PHACTR1: variants seen among roughly 807,000 people sequenced by gnomAD.
PHACTR1 encodes the protein RPEL repeat containing 1.
A neutral mutation model predicts 69.2 loss-of-function variants in PHACTR1; 16 were observed. The observed-to-expected ratio is 0.23, with a 90% CI of 0.16 to 0.35. The LOEUF (loss-of-function observed/expected upper bound fraction) is 0.35. PHACTR1 is among the 10% of genes least tolerant of loss of function. PHACTR1 has a pLI of 1.00. For synonymous variants in PHACTR1, 312 were observed against 284.5 expected (o/e 1.10, Z -0.97); for missense variants, 510 against 734.7 (o/e 0.69, Z 3.54).
rs375057981 is a variant in PHACTR1, at chr6:13,239,822, T to C, written c.1391+9629T>C. Reference sequence around the variant, plus strand: ...AGCCTCGACTCTGTGTGTATGTCCATGCCTGTGTGTCAGGAGGAGAGGAGG... The same window carrying C: ...AGCCTCGACTCTGTGTGTATGTCCACGCCTGTGTGTCAGGAGGAGAGGAGG... On this transcript the variant is annotated intron_variant, in intron 10 of 14. Transcript: ENST00000332995. Among the ~76,000 whole-genome samples, 43 of 152,324 alleles carry C rather than the reference T, an allele frequency of 2.8e-4. No homozygotes were observed. The East Asian group carries it at 5.0e-3, about 18-fold the overall frequency.
intron 12 of PHACTR1, 125 bp downstream of exon 12, chr6:13,278,454 C>G: frequency 1.3e-5 from 10 of 781,140 alleles, no homozygotes; most frequent in Non-Finnish European, 1.9e-5. Flanking sequence ...TCAGAGAGTG[C>G]CACTCTCTTA....
At chr6:13,052,248 A>G (rs368414940) in intron 4 of PHACTR1, among the ~76,000 whole-genome samples, 9 of 152,222 alleles carry the variant, frequency 5.9e-5, no homozygotes, top group Non-Finnish European at 8.8e-5. Flanking sequence ...AGAATTCCAT[A>G]TGTATTTAAT....
chr6:13,159,864 T>C (rs996787002), intron 5 of PHACTR1, among the ~76,000 whole-genome samples: 2 of 151,966 alleles, frequency 1.3e-5, no homozygotes, highest in African/African-American at 4.8e-5. Flanking sequence ...CGCTTGAACC[T>C]GGGAGGCAGG....
intron 4 of PHACTR1, among the ~76,000 whole-genome samples, chr6:12,780,080 G>A (rs1288535062): frequency 6.6e-6 from 1 of 152,198 alleles, no homozygotes; most frequent in Non-Finnish European, 1.5e-5. Context: ...GGATGATGCT[G>A]GAGGTGGAAG....
chr6:13,011,126 C>T (rs946884729), intron 4 of PHACTR1, among the ~76,000 whole-genome samples: 6 of 152,178 alleles, frequency 3.9e-5, no homozygotes, highest in Non-Finnish European at 7.4e-5. Flanking sequence ...TAGTCTGAGA[C>T]ACTAAAATGC....
chr6:12,804,774 G>A (rs1175361265), intron 4 of PHACTR1, among the ~76,000 whole-genome samples: 2 of 152,248 alleles, frequency 1.3e-5, no homozygotes, highest in African/African-American at 2.4e-5. Flanking sequence ...AATCCAGCCT[G>A]GGTGACAGAG....
intron 10 of PHACTR1, among the ~76,000 whole-genome samples, chr6:13,249,470 AT>A (rs940026616): frequency 2.0e-5 from 3 of 152,012 alleles, no homozygotes; most frequent in African/African-American, 7.3e-5. Context: ...AGAAGATTAC[AT>A]TTTTCTGGTC....
intron 4 of PHACTR1, among the ~76,000 whole-genome samples, chr6:12,999,691 C>T (rs1012694920): frequency 3.9e-5 from 6 of 152,084 alleles, no homozygotes; most frequent in African/African-American, 7.2e-5. Context: ...CATTGGAAGC[C>T]TATAAAGCAA....
intron 3 of PHACTR1, among the ~76,000 whole-genome samples, chr6:12,733,836 A>C (rs747431162): frequency 6.6e-6 from 1 of 152,252 alleles, no homozygotes; most frequent in East Asian, 1.9e-4. Context: ...TACAGCAACT[A>C]TATTGAAAAT....
chr6:13,072,090 A>G (rs1809626057), intron 5 of PHACTR1, among the ~76,000 whole-genome samples: 2 of 152,146 alleles, frequency 1.3e-5, no homozygotes, highest in South Asian at 4.1e-4. Context: ...TACAACAAGG[A>G]TGATCTTTGT....
At chr6:13,218,148 T>C (rs1259621002) in intron 8 of PHACTR1, among the ~76,000 whole-genome samples, 5 of 152,236 alleles carry the variant, frequency 3.3e-5, no homozygotes, top group Non-Finnish European at 7.3e-5. Flanking sequence ...TGTTTTTCTT[T>C]AGAAATGATG....
chr6:13,161,831 G>A (rs1283102544), intron 6 of PHACTR1, among the ~76,000 whole-genome samples: 2 of 152,118 alleles, frequency 1.3e-5, no homozygotes, highest in Admixed American at 6.5e-5. Context: ...AAGTGGCCTA[G>A]CTCTTGCCCT....
intron 10 of PHACTR1, among the ~76,000 whole-genome samples, chr6:13,269,220 C>T (rs1266129559): frequency 6.6e-6 from 1 of 152,214 alleles, no homozygotes; most frequent in Admixed American, 6.5e-5. Context: ...CTGGGTATTA[C>T]CAAACCATTC....
At chr6:13,238,600 T>G (rs763105134) in intron 10 of PHACTR1, among the ~76,000 whole-genome samples, 1 of 152,222 alleles carries the variant, frequency 6.6e-6, no homozygotes, top group Non-Finnish European at 1.5e-5. Context: ...AATCCATTTT[T>G]TATGCTTGTA....
chr6:12,864,431 A>G (rs1781247144), intron 4 of PHACTR1, among the ~76,000 whole-genome samples: 1 of 152,218 alleles, frequency 6.6e-6, no homozygotes, highest in African/African-American at 2.4e-5. Flanking sequence ...CTGTAATCCC[A>G]GCACTTTGGG....
chr6:13,062,323 A>G (rs146266071), intron 5 of PHACTR1, among the ~76,000 whole-genome samples: 45 of 152,182 alleles, frequency 3.0e-4, no homozygotes, highest in African/African-American at 1.0e-3. Flanking sequence ...AAATCCCCCA[A>G]TCAAACAAGG....
At chr6:13,130,237 C>G (rs943759081) in intron 5 of PHACTR1, among the ~76,000 whole-genome samples, 1 of 151,874 alleles carries the variant, frequency 6.6e-6, no homozygotes, top group East Asian at 1.9e-4. Context: ...CCACAAGGAA[C>G]TAGAAAAACA....
At chr6:12,933,382 G>T (rs1252364720) in intron 4 of PHACTR1, among the ~76,000 whole-genome samples, 1 of 152,000 alleles carries the variant, frequency 6.6e-6, no homozygotes, top group African/African-American at 2.4e-5. Flanking sequence ...TCATGGAAAA[G>T]GACATATTTA....
intron 4 of PHACTR1, among the ~76,000 whole-genome samples, chr6:12,860,890 A>T (rs1780874843): frequency 6.6e-6 from 1 of 152,010 alleles, no homozygotes; most frequent in South Asian, 2.1e-4. Context: ...TACAAAATTC[A>T]TTGCTGATGT....
Sources: allele counts gnomAD v4.1 joint callset (sites outside exome capture counted in the v4.1 genomes callset), GRCh38; gene constraint gnomAD v4.1.1; transcripts MANE v1.5; gene names NCBI Gene and HGNC (gene_info 2026-07-23, HGNC 2026-07-21).